Variants in CBFA2T2 observed in about 807,000 individuals in gnomAD.
The protein encoded by CBFA2T2 is CBFA2/RUNX1 partner transcriptional co-repressor 2.
In CBFA2T2, 11 loss-of-function variants were observed where a neutral mutation model predicts 62.2. The ratio of observed to expected loss-of-function variants is 0.18; its 90% CI spans 0.11 to 0.29. CBFA2T2 has a LOEUF of 0.29. CBFA2T2 is among the 10% of genes least tolerant of loss of function. The pLI, the probability that CBFA2T2 is intolerant of heterozygous loss-of-function variation, is 1.00. For missense variants in CBFA2T2, 592 were observed against 774.1 expected (o/e 0.76, Z 2.79); for synonymous variants, 295 against 287.5 (o/e 1.03, Z -0.27).
At chr20:33,619,052 C>T (rs2015822841) in intron 3 of CBFA2T2, among the ~76,000 whole-genome samples, 1 of 152,142 alleles carries the variant, frequency 6.6e-6, no homozygotes, top group Non-Finnish European at 1.5e-5. Flanking sequence ...TGATGATGTT[C>T]CTGCAGTTAT....
intron 1 of CBFA2T2, among the ~76,000 whole-genome samples, chr20:33,493,660 C>T (rs988948778): frequency 6.6e-6 from 1 of 151,958 alleles, no homozygotes; most frequent in Non-Finnish European, 1.5e-5. Context: ...ATTGCCATGC[C>T]TGGCTAATTG....
At chr20:33,509,335 C>T (rs1283998747) in intron 1 of CBFA2T2, among the ~76,000 whole-genome samples, 1 of 151,708 alleles carries the variant, frequency 6.6e-6, no homozygotes, top group Non-Finnish European at 1.5e-5. Context: ...CCACTGCACT[C>T]CAGCCTAGGC....
At chr20:33,521,985 A>G (rs1360858456) in intron 1 of CBFA2T2, among the ~76,000 whole-genome samples, 1 of 152,090 alleles carries the variant, frequency 6.6e-6, no homozygotes, top group East Asian at 1.9e-4. Context: ...CTACTTATAA[A>G]TAGTAGTATA....
chr20:33,597,090 A>T (rs2014926355), intron 1 of CBFA2T2, among the ~76,000 whole-genome samples: 2 of 151,598 alleles, frequency 1.3e-5, no homozygotes, highest in African/African-American at 4.8e-5. Flanking sequence ...ACACCTGGCT[A>T]ATTTTTTTTT....
chr20:33,537,219 C>T (rs938925861), intron 1 of CBFA2T2, among the ~76,000 whole-genome samples: 4 of 152,272 alleles, frequency 2.6e-5, no homozygotes, highest in Non-Finnish European at 4.4e-5. Flanking sequence ...GTGAACCAGA[C>T]TCCGTCTGCA....
At chr20:33,615,949 G>A in intron 3 of CBFA2T2, among the ~76,000 whole-genome samples, 1 of 152,200 alleles carries the variant, frequency 6.6e-6, no homozygotes, top group East Asian at 1.9e-4. Flanking sequence ...AGTGGAGTAT[G>A]CCTATAGTCC....
chr20:33,526,271 TTAAAA>T (rs2146865632), intron 1 of CBFA2T2, among the ~76,000 whole-genome samples: 1 of 152,210 alleles, frequency 6.6e-6, no homozygotes, highest in East Asian at 1.9e-4. Flanking sequence ...CTATTGAAAT[TTAAAA>T]TAAGTAAATA....
chr20:33,571,670 A>G (rs1427859904), intron 1 of CBFA2T2, among the ~76,000 whole-genome samples: 1 of 152,216 alleles, frequency 6.6e-6, no homozygotes, highest in Admixed American at 6.5e-5. Context: ...CATATTTATC[A>G]CAATTTTCCT....
chr20:33,639,844 G>GC (rs2016766313), intron 9 of CBFA2T2: 1 of 152,598 alleles, frequency 6.6e-6, no homozygotes, highest in African/African-American at 2.6e-5. Flanking sequence ...TGCTGTGATC[G>GC]CAACAGTGCA....
chr20:33,635,527 A>G (rs2122373903), intron 8 of CBFA2T2, among the ~76,000 whole-genome samples: 1 of 152,360 alleles, frequency 6.6e-6, no homozygotes, highest in South Asian at 2.1e-4. Context: ...AATGAAATTT[A>G]TAAAAGATTT....
chr20:33,558,282 C>A (rs1345147497), intron 1 of CBFA2T2, among the ~76,000 whole-genome samples: 1 of 151,752 alleles, frequency 6.6e-6, no homozygotes, highest in Non-Finnish European at 1.5e-5. Context: ...CAGGAGTGCG[C>A]CATCTTGCCC....
intron 1 of CBFA2T2, among the ~76,000 whole-genome samples, chr20:33,589,610 A>G (rs1028011841): frequency 4.6e-5 from 7 of 152,172 alleles, no homozygotes; most frequent in African/African-American, 1.7e-4. Context: ...GATTGTAAAC[A>G]GCAACTCTGG....
At chr20:33,495,352 C>T (rs1169715330) in intron 1 of CBFA2T2, among the ~76,000 whole-genome samples, 1 of 146,474 alleles carries the variant, frequency 6.8e-6, no homozygotes, top group African/African-American at 2.5e-5. Context: ...CACCATTGCA[C>T]TCCAGCCTGG....
intron 3 of CBFA2T2, chr20:33,618,382 G>A (rs1470928034): frequency 6.6e-6 from 1 of 151,984 alleles, no homozygotes; most frequent in Admixed American, 6.6e-5. Flanking sequence ...CAGTGTTATC[G>A]GCAATTGAAA....
chr20:33,570,700 T>G (rs2013527956), intron 1 of CBFA2T2, among the ~76,000 whole-genome samples: 1 of 152,220 alleles, frequency 6.6e-6, no homozygotes. Flanking sequence ...GTGGCCTTAC[T>G]GATTCTTTCA....
intron 1 of CBFA2T2, among the ~76,000 whole-genome samples, chr20:33,586,717 A>G (rs1382527852): frequency 6.6e-6 from 1 of 152,160 alleles, no homozygotes; most frequent in African/African-American, 2.4e-5. Flanking sequence ...GAAAGTATAG[A>G]TAGAAGGCTC....
intron 8 of CBFA2T2, among the ~76,000 whole-genome samples, chr20:33,633,973 G>A (rs1414248441): frequency 6.6e-6 from 1 of 151,926 alleles, no homozygotes; most frequent in Non-Finnish European, 1.5e-5. Context: ...TTGTTTGTTT[G>A]TTTGTTTTTG....
At chr20:33,493,099 G>T in intron 1 of CBFA2T2, among the ~76,000 whole-genome samples, 1 of 139,640 alleles carries the variant, frequency 7.2e-6, no homozygotes. Flanking sequence ...TTTTGAGACG[G>T]AGTTTCACTC....
At chr20:33,535,506 C>G (rs1415499717) in intron 1 of CBFA2T2, among the ~76,000 whole-genome samples, 1 of 150,582 alleles carries the variant, frequency 6.6e-6, no homozygotes, top group Non-Finnish European at 1.5e-5. Context: ...AAGATTGGTG[C>G]TAAGAACCAG....
Sources: allele counts gnomAD v4.1 joint callset (sites outside exome capture counted in the v4.1 genomes callset), GRCh38; gene constraint gnomAD v4.1.1; transcripts MANE v1.5; gene names NCBI Gene and HGNC (gene_info 2026-07-23, HGNC 2026-07-21).